STMN3: variants seen among roughly 807,000 people sequenced by gnomAD.
STMN3 encodes stathmin 3.
A neutral mutation model predicts 23.2 loss-of-function variants in STMN3; 24 were observed. The ratio of observed to expected loss-of-function variants is 1.03; its 90% confidence interval spans 0.75 to 1.45. STMN3 has a LOEUF of 1.45. Ranked by LOEUF, STMN3 falls within the 40% of genes most tolerant of loss-of-function variation. STMN3 has a pLI of 0.00. For missense variants in STMN3, 235 were observed against 237.6 expected (o/e 0.99, Z 0.07); for synonymous variants, 117 against 103.4 (o/e 1.13, Z -0.80).
At chr20:63,644,000 T>A in intron 2 of STMN3, 69 bp from the exon 3 acceptor site, 3 of 1,559,278 alleles carry the variant, frequency 1.9e-6, no homozygotes, top group Non-Finnish European at 2.6e-6. Flanking sequence ...AGCGGGATGC[T>A]CCCAGCACAC....
At chr20:63,648,242 T>A (rs1377412270) in intron 1 of STMN3, among the ~76,000 whole-genome samples, 1 of 151,480 alleles carries the variant, frequency 6.6e-6, no homozygotes, top group East Asian at 1.9e-4. Context: ...GCTGAAGAGG[T>A]GGCCAACCCT....
chr20:63,647,698 TAA>T (rs1491425055), intron 1 of STMN3, among the ~76,000 whole-genome samples: 1 of 120,684 alleles, frequency 8.3e-6, no homozygotes, highest in African/African-American at 2.8e-5. Flanking sequence ...TGTATATATA[TAA>T]TATATATACA....
In STMN3 at chr20:63,644,813, C is replaced by T. The variant is rs77294550; in HGVS notation, c.20-504G>A. On this transcript the variant is annotated intron_variant, in intron 1 of 4. Coordinates refer to ENST00000370053, the MANE Select transcript of STMN3 (RefSeq NM_015894.4). ...ATCATGTGAGGACACAGCCAGAAGA[C>T]GCCACCCGTCTATGTACCAGGAGGC... Among the ~76,000 whole-genome samples, 988 of 152,276 alleles carry T rather than the reference C, an allele frequency of 6.5e-3. 10 individuals are homozygous for T. The highest frequency in any genetic ancestry group is 0.023 in the African/African-American group (950 of 41,562).
In STMN3 at chr20:63,652,700, T is replaced by C; in HGVS notation, c.19+627A>G. The C allele has an allele frequency of 1.0e-6, 1 of 985,940 alleles. No homozygotes were observed. The highest frequency in any genetic ancestry group is 1.2e-6 in the Non-Finnish European group (1 of 830,416). 61.1% of individuals were successfully genotyped at this position (985,940 alleles called of 1,614,324 possible). On this transcript the variant is annotated intron_variant, in intron 1 of 4. Coordinates refer to ENST00000370053, the MANE Select transcript of STMN3 (RefSeq NM_015894.4). This position sits in a 1 kb window ranked among gnomAD's most constrained non-coding sequence, Gnocchi z 5.3. Reference sequence around the variant, plus strand: ...CCAGACCCCGCGGCGCAAAGGGCAGTGGCTTTTCTGGCCAGAGCAGGTGGC... The same window carrying C: ...CCAGACCCCGCGGCGCAAAGGGCAGCGGCTTTTCTGGCCAGAGCAGGTGGC...
At chr20:63,649,038 C>T (rs182173163) in intron 1 of STMN3, among the ~76,000 whole-genome samples, 1 of 152,266 alleles carries the variant, frequency 6.6e-6, no homozygotes, top group East Asian at 1.9e-4. Context: ...ACGTGTCCAA[C>T]TGAGAGGTGA....
chr20:63,647,684 C>CAATATATATAT (rs1374989065), intron 1 of STMN3, among the ~76,000 whole-genome samples: 4 of 88,980 alleles, frequency 4.5e-5, no homozygotes, highest in Admixed American at 1.3e-4. Context: ...CGTATATATA[C>CAATATATATAT]ACGTGTATAT....
In STMN3 at chr20:63,641,077, CCCCGGGGGACCCAG is replaced by C; in HGVS notation, c.*247_*260del. On this transcript the variant is annotated 3_prime_UTR_variant, in exon 5 of 5. Transcript: ENST00000370053. The stretch of plus-strand genomic sequence containing the variant: ...GTCACCGCCACCTCTCTCACAGGGC[CCCCGGGGGACCCAG>C]CCGCGCCCGGCCTGGTGTCTGCACC... The C allele has an allele frequency of 1.8e-6, 1 of 555,092 alleles. No individual in the cohort carries two copies. Among genetic ancestry groups the C allele is most frequent in the Non-Finnish European group, 3.2e-6 (1 of 308,960 alleles). The allele number at this position is 555,092 out of a possible 1,614,324, so 34.4% of individuals were successfully genotyped here.
rs1372720628 is a variant in STMN3 at position 63,652,495 on chromosome 20, G to GC, written c.19+831dup. 1.2e-5 allele frequency: 11 copies of GC among 884,552 alleles called. No homozygotes were observed. The East Asian group carries it at 4.8e-4, about 38-fold the overall frequency. The allele number at this position is 884,552 out of a possible 1,614,324, so 54.8% of individuals were successfully genotyped here. A position where few individuals can be genotyped will look rare whatever the true frequency, so the allele number is the denominator to read the frequency against. On this transcript the variant is annotated intron_variant, in intron 1 of 4. Coordinates refer to ENST00000370053, the MANE Select transcript of STMN3 (RefSeq NM_015894.4). This position sits in a 1 kb window ranked among gnomAD's most constrained non-coding sequence, Gnocchi z 5.3. Reference sequence around the variant, plus strand: ...GGCAGCTCCCCTGCGTCCAGAATCCGCCCCCCGCCCGGGCCTGCGCCCGCC... The same window carrying GC: ...GGCAGCTCCCCTGCGTCCAGAATCCGCCCCCCCGCCCGGGCCTGCGCCCGCC...
In STMN3 at chr20:63,652,997, G is replaced by A. The variant is rs1038841515; in HGVS notation, c.19+330C>T. On this transcript the variant is annotated intron_variant, in intron 1 of 4. Coordinates refer to ENST00000370053, the MANE Select transcript of STMN3 (RefSeq NM_015894.4). The surrounding 1 kb of genome is among the most constrained non-coding windows in gnomAD (Gnocchi z 5.3). ...GACCCCGCCCGCACATCGCGAGCGC[G>A]CCCACCCGGTCGCGAGCCCACGCCC... is the stretch of plus-strand genomic sequence containing the variant. 1.3e-5 allele frequency among the ~76,000 whole-genome samples: 2 copies of A among 151,894 alleles called. No homozygotes were observed. Among genetic ancestry groups the A allele is most frequent in the Non-Finnish European group, 2.9e-5 (2 of 67,914 alleles).
rs2146111695 is a variant in STMN3 at position 63,641,120 on chromosome 20, G to A, written c.*218C>T. 1 of 623,696 alleles carries A rather than the reference G, an allele frequency of 1.6e-6. No homozygotes were observed. The highest frequency in any genetic ancestry group is 2.9e-6 in the Non-Finnish European group (1 of 341,218). 38.6% of individuals were successfully genotyped at this position (623,696 alleles called of 1,614,324 possible). A position where few individuals can be genotyped will look rare whatever the true frequency, so the allele number is the denominator to read the frequency against. ...CGCCCGGCCTGGTGTCTGCACCGAG[G>A]GACCGCGTCTCACGCCCGGCGGCTC... On this transcript the variant is annotated 3_prime_UTR_variant, in exon 5 of 5. Transcript: ENST00000370053.
intron 1 of STMN3, among the ~76,000 whole-genome samples, chr20:63,653,059 G>C (rs950725214): frequency 5.9e-5 from 9 of 151,610 alleles, no homozygotes; most frequent in Non-Finnish European, 1.2e-4. Flanking sequence ...CGCGCCCTGC[G>C]TGGCACGCTG....
chr20:63,643,946 C>T lies in STMN3; in HGVS notation c.116-15G>A. 1 of 1,588,412 alleles carries T rather than the reference C, an allele frequency of 6.3e-7. No homozygotes were observed. Among genetic ancestry groups the T allele is most frequent in the Non-Finnish European group, 8.5e-7 (1 of 1,173,830 alleles). On this transcript the variant is annotated splice_polypyrimidine_tract_variant and intron_variant, in intron 2 of 4. Coordinates refer to ENST00000370053, the MANE Select transcript of STMN3 (RefSeq NM_015894.4). ...CACCTCCATGTCTGCAGGGCAAGAC[C>T]AGAGTAGAGCTTCAGAGGCCCGGCC... is the stretch of plus-strand genomic sequence containing the variant.
At chr20:63,653,265 G>A (rs1393114906) in intron 1 of STMN3, 62 bp downstream of exon 1, 7 of 1,530,422 alleles carry the variant, frequency 4.6e-6, no homozygotes, top group Admixed American at 4.0e-5. Flanking sequence ...CCCCAGGCGA[G>A]GCCAGACGAG....
At chr20:63,641,478 G>A (rs2089761777) in intron 4 of STMN3, 81 bp from the exon 5 acceptor site, 8 of 1,232,636 alleles carry the variant, frequency 6.5e-6, no homozygotes, top group Non-Finnish European at 9.1e-6. Flanking sequence ...GCAGGCCGTG[G>A]CGCCCTGGCA....
At chr20:63,645,659 T>A (rs1159911745) in intron 1 of STMN3, among the ~76,000 whole-genome samples, 1 of 152,190 alleles carries the variant, frequency 6.6e-6, no homozygotes, top group Non-Finnish European at 1.5e-5. Flanking sequence ...TAGTGCTCGA[T>A]AATCCTTTTG....
rs1180415677 is a variant in STMN3 at position 63,640,556 on chromosome 20, C to A, written c.*782G>T. On this transcript the variant is annotated 3_prime_UTR_variant, in exon 5 of 5. Transcript: ENST00000370053. ...GTCTTTCAAGGACATCTGCAAAGCCCTGGTGGGGAGGGGCCTGGGCCAGAG... is the reference window on the plus strand; with the variant it reads ...GTCTTTCAAGGACATCTGCAAAGCCATGGTGGGGAGGGGCCTGGGCCAGAG... 2 of 34,892 alleles carry A rather than the reference C, an allele frequency of 5.7e-5. No homozygotes were observed. Among genetic ancestry groups the A allele is most frequent in the East Asian group, 5.9e-4 (2 of 3,388 alleles). The allele number at this position is 34,892 out of a possible 1,614,324, so 2.2% of individuals were successfully genotyped here. A position where few individuals can be genotyped will look rare whatever the true frequency, so the allele number is the denominator to read the frequency against.
chr20:63,644,327 G>A lies in STMN3; in HGVS notation c.20-18C>T. ...CTTGTAGGCTGTGGGCACAAGGCTG[G>A]GCTGAGCAAGCACCACTGGGGCCTG... On this transcript the variant is annotated intron_variant, in intron 1 of 4. Coordinates refer to ENST00000370053, the MANE Select transcript of STMN3 (RefSeq NM_015894.4). The A allele has an allele frequency of 6.2e-7, 1 of 1,600,794 alleles. No individual in the cohort carries two copies. The highest frequency in any genetic ancestry group is 1.1e-5 in the South Asian group (1 of 89,750).
chr20:63,644,901 G>A (rs1295664479), intron 1 of STMN3, among the ~76,000 whole-genome samples: 1 of 152,104 alleles, frequency 6.6e-6, no homozygotes, highest in Non-Finnish European at 1.5e-5. Context: ...CCTCCAGAGC[G>A]ATGGGAAATA....
At chr20:63,647,954 A>G (rs1250914045) in intron 1 of STMN3, among the ~76,000 whole-genome samples, 1,146 of 49,076 alleles carry the variant, frequency 0.023, 81 homozygotes, top group African/African-American at 0.09. Flanking sequence ...GTGTGTATAT[A>G]TATATGTATA....
Sources: allele counts gnomAD v4.1 joint callset (sites outside exome capture counted in the v4.1 genomes callset), GRCh38; gene constraint gnomAD v4.1.1; non-coding constraint Gnocchi (gnomAD v3.1); transcripts MANE v1.5; gene names NCBI Gene and HGNC (gene_info 2026-07-23, HGNC 2026-07-21).